The following DCLK2 variants were observed in gnomAD, a reference collection of about 807,000 sequenced individuals.
The protein encoded by DCLK2 is serine/threonine-protein kinase DCLK2.
In DCLK2, 31 loss-of-function variants were observed where a neutral mutation model predicts 78.4. The observed-to-expected ratio is 0.40, with a 90% CI of 0.30 to 0.53. The LOEUF (loss-of-function observed/expected upper bound fraction) is 0.53, where lower values mean the gene tolerates loss of function less well. Among genes scored for constraint, DCLK2 ranks in the 20% least tolerant of loss-of-function variants. DCLK2 has a pLI of 0.61. For synonymous variants in DCLK2, 407 were observed against 374.9 expected (o/e 1.09, Z -0.99); for missense variants, 872 against 973.7 (o/e 0.90, Z 1.39).
intron 2 of DCLK2, among the ~76,000 whole-genome samples, chr4:150,137,639 T>C (rs1196529102): frequency 6.6e-6 from 1 of 152,080 alleles, no homozygotes; most frequent in African/African-American, 2.4e-5. Flanking sequence ...CAAGAAAAAT[T>C]TACCAGGAAC....
chr4:150,151,383 A>G (rs371144628), intron 2 of DCLK2, among the ~76,000 whole-genome samples: 8 of 152,208 alleles, frequency 5.3e-5, no homozygotes, highest in East Asian at 1.9e-4. Context: ...GGGACAGCCA[A>G]TTAGAACCTC....
Position 150,256,271 on chromosome 4 carries a change from G to T in DCLK2, c.*24G>T, listed in dbSNP as rs761283919. On this transcript the variant is annotated 3_prime_UTR_variant, in exon 16 of 16. Transcript: ENST00000296550. Reference sequence around the variant, plus strand: ...GAGCCTCCTGCAGACGGGCGAAGCCGCCTGCTGCAGCCCAGGAAGCCAGCC... The same window carrying T: ...GAGCCTCCTGCAGACGGGCGAAGCCTCCTGCTGCAGCCCAGGAAGCCAGCC... 3 of 1,471,642 alleles carry T rather than the reference G, an allele frequency of 2.0e-6. No individual in the cohort carries two copies. The highest frequency in any genetic ancestry group is 1.4e-5 in the South Asian group (1 of 73,330). 91.2% of individuals were successfully genotyped at this position (1,471,642 alleles called of 1,614,324 possible). A position where few individuals can be genotyped will look rare whatever the true frequency, so the allele number is the denominator to read the frequency against.
At chr4:150,171,218 C>T (rs955151962) in intron 2 of DCLK2, among the ~76,000 whole-genome samples, 20 of 152,166 alleles carry the variant, frequency 1.3e-4, no homozygotes, top group African/African-American at 4.6e-4. Context: ...CGGTGGCTCA[C>T]GCCTGTAATC....
chr4:150,188,185 A>C (rs990918392), intron 2 of DCLK2, among the ~76,000 whole-genome samples: 2 of 152,122 alleles, frequency 1.3e-5, no homozygotes, highest in Admixed American at 6.5e-5. Flanking sequence ...CCTAGTTGAA[A>C]AATTGTGCCC....
intron 12 of DCLK2, among the ~76,000 whole-genome samples, chr4:150,240,954 C>A (rs78020097): frequency 6.6e-6 from 1 of 152,144 alleles, no homozygotes; most frequent in African/African-American, 2.4e-5. Flanking sequence ...AATACAGTGT[C>A]TACCATGTCC....
chr4:150,198,910 A>ACCC lies in DCLK2; in HGVS notation c.961+816_961+818dup, dbSNP rs397805427. 1,151 of 239,848 alleles carry ACCC rather than the reference A, an allele frequency of 4.8e-3. 53 individuals are homozygous for ACCC. Among genetic ancestry groups the ACCC allele is most frequent in the East Asian group, 0.011 (123 of 10,812 alleles). The allele number at this position is 239,848 out of a possible 1,614,324, so 14.9% of individuals were successfully genotyped here. On this transcript the variant is annotated intron_variant, in intron 4 of 15. Transcript: ENST00000296550. ...ACTATTCGCCCTTTCCCCTTTCAGCACCCCCCCCCCCACTTTCTGTAGGGC... is the reference window on the plus strand; with the variant it reads ...ACTATTCGCCCTTTCCCCTTTCAGCACCCCCCCCCCCCCCACTTTCTGTAGGGC...
rs775079994 is a variant in DCLK2 at position 150,248,402 on chromosome 4, C to G, written c.1956+17C>G. On this transcript the variant is annotated intron_variant, in intron 14 of 15. Coordinates refer to ENST00000296550, the MANE Select transcript of DCLK2 (RefSeq NM_001040260.4). The stretch of plus-strand genomic sequence containing the variant: ...TGGGTGTCAGTAAGTACCCACATTC[C>G]CAGGGAATGGGCCTCACTGTGCTCT... 6.2e-7 allele frequency: 1 copy of G among 1,607,738 alleles called. No homozygotes were observed. Among genetic ancestry groups the G allele is most frequent in the South Asian group, 1.1e-5 (1 of 90,942 alleles).
intron 2 of DCLK2, among the ~76,000 whole-genome samples, chr4:150,148,688 G>T (rs1021934320): frequency 6.6e-6 from 1 of 151,938 alleles, no homozygotes; most frequent in Non-Finnish European, 1.5e-5. Context: ...TACCTATCTT[G>T]TATGACCTAC....
chr4:150,240,974 A>G (rs1338115409), intron 12 of DCLK2, among the ~76,000 whole-genome samples: 1 of 152,134 alleles, frequency 6.6e-6, no homozygotes, highest in African/African-American at 2.4e-5. Flanking sequence ...CAATTTCTCC[A>G]TCTTTTCAAA....
At chr4:150,253,197 A>G (rs1744311083) in intron 15 of DCLK2, 2 of 504,776 alleles carry the variant, frequency 4.0e-6, no homozygotes, top group East Asian at 5.6e-5. Flanking sequence ...TAACCTCAAA[A>G]TGACTCTCCC....
intron 2 of DCLK2, among the ~76,000 whole-genome samples, chr4:150,127,383 G>A (rs1732995582): frequency 6.6e-6 from 1 of 152,100 alleles, no homozygotes; most frequent in African/African-American, 2.4e-5. Context: ...ATAAGGAAGA[G>A]CTATCCCTTC....
intron 2 of DCLK2, among the ~76,000 whole-genome samples, chr4:150,143,712 A>G (rs77188360): frequency 0.013 from 1,982 of 152,216 alleles, 46 homozygotes; most frequent in African/African-American, 0.045. Flanking sequence ...ATCCATGCCA[A>G]CATCTGTTTT....
chr4:150,128,066 C>A (rs1733041768), intron 2 of DCLK2, among the ~76,000 whole-genome samples: 2 of 151,576 alleles, frequency 1.3e-5, no homozygotes, highest in African/African-American at 2.4e-5. Flanking sequence ...CAGTTTTGCC[C>A]ATGAGGAGAC....
intron 2 of DCLK2, among the ~76,000 whole-genome samples, chr4:150,174,431 T>C (rs984280519): frequency 4.6e-5 from 7 of 152,174 alleles, no homozygotes; most frequent in Non-Finnish European, 8.8e-5. Flanking sequence ...GTGCCTTCCA[T>C]GCCACTCCCA....
chr4:150,097,078 T>C (rs1316091028), intron 1 of DCLK2, among the ~76,000 whole-genome samples: 1 of 151,598 alleles, frequency 6.6e-6, no homozygotes, highest in Non-Finnish European at 1.5e-5. Context: ...ACTCTGTCAC[T>C]GAAAGGAAAA....
At chr4:150,215,567 G>A (rs1175243648) in intron 5 of DCLK2, among the ~76,000 whole-genome samples, 1 of 152,174 alleles carries the variant, frequency 6.6e-6, no homozygotes, top group Non-Finnish European at 1.5e-5. Flanking sequence ...CATAGGGCGA[G>A]GTATGGGGGA....
At chr4:150,141,601 C>T (rs1734106498) in intron 2 of DCLK2, among the ~76,000 whole-genome samples, 1 of 152,158 alleles carries the variant, frequency 6.6e-6, no homozygotes, top group South Asian at 2.1e-4. Context: ...TATTCATTGT[C>T]ACTTTTCTTC....
intron 10 of DCLK2, among the ~76,000 whole-genome samples, chr4:150,234,007 C>G (rs889301856): frequency 6.6e-6 from 1 of 152,172 alleles, no homozygotes; most frequent in Non-Finnish European, 1.5e-5. Context: ...CATCCTCATT[C>G]CTGCTTGGGA....
At chr4:150,182,470 C>T (rs1737603503) in intron 2 of DCLK2, among the ~76,000 whole-genome samples, 1 of 152,118 alleles carries the variant, frequency 6.6e-6, no homozygotes, top group Admixed American at 6.5e-5. Context: ...GATTTTATAG[C>T]CTTCAAGCAT....
Sources: gnomAD v4.1 joint callset for allele counts (sites outside exome capture counted in the v4.1 genomes callset) on GRCh38, gnomAD v4.1.1 for gene constraint, MANE v1.5 for transcripts, NCBI Gene and HGNC (gene_info 2026-07-23, HGNC 2026-07-21) for gene names.